Variants in FTSJ3 observed in about 807,000 individuals in gnomAD.
The protein encoded by FTSJ3 is pre-rRNA 2'-O-ribose RNA methyltransferase FTSJ3.
A neutral mutation model predicts 111.5 loss-of-function variants in FTSJ3; 46 were observed. The observed-to-expected ratio is 0.41, with a 90% confidence interval of 0.33 to 0.53. The LOEUF (loss-of-function observed/expected upper bound fraction) is 0.53. FTSJ3 is among the 20% of genes least tolerant of loss of function. FTSJ3 has a pLI of 0.19. For missense variants in FTSJ3, 1,075 were observed against 1,063.8 expected, an observed-to-expected ratio of 1.01 and a Z score of -0.15; for synonymous variants, 408 against 383.0, an observed-to-expected ratio of 1.07 and a Z score of -0.76.
At position 63,827,304 on chromosome 17, in the gene FTSJ3, C is replaced by T. The variant is rs1409423402; in HGVS notation, c.-279G>A. On this transcript the variant is annotated 5_prime_UTR_variant, in exon 1 of 21. Transcript: ENST00000427159. The stretch of plus-strand genomic sequence containing the variant: ...GGAGGAGTTCTACTCCTTCCTCATC[C>T]CCTTCCAAAGCCCCTGAACTCGAGT... 6 of 699,244 alleles carry T rather than the reference C, an allele frequency of 8.6e-6. No individual in the cohort carries two copies. The highest frequency in any genetic ancestry group is 1.8e-5 in the African/African-American group (1 of 55,850). The allele number at this position is 699,244 out of a possible 1,614,324, so 43.3% of individuals were successfully genotyped here.
chr17:63,825,435 G>T lies in FTSJ3; in HGVS notation c.402C>A (p.Ala134=), dbSNP rs1379934767. 1.2e-6 allele frequency: 2 copies of T among 1,614,102 alleles called. No individual in the cohort carries two copies. Among genetic ancestry groups the T allele is most frequent in the Non-Finnish European group, 1.7e-6 (2 of 1,180,016 alleles). ...AACGTAGAGCCATCAGTGTCAAATG[G>T]GCTGTAGGATAGAGACAATTAGTTG... ...ASWVHDAYSQ[A]HLTLMALRLA... Residue 134 remains alanine (A), a splice_region_variant and synonymous_variant, in exon 7 of 21, where the codon GCC becomes GCA. Coordinates refer to ENST00000427159, the MANE Select transcript of FTSJ3 (RefSeq NM_017647.4).
At chr17:63,824,028 A>T (rs769763621) in intron 12 of FTSJ3, 56 bp downstream of exon 12, 1 of 1,613,498 alleles carries the variant, frequency 6.2e-7, no homozygotes, top group Non-Finnish European at 8.5e-7. Context: ...TTCTTCTCCC[A>T]TCTTCACACA....
intron 5 of FTSJ3, 118 bp downstream of exon 5, chr17:63,825,938 A>G (rs2040095904): frequency 3.7e-6 from 3 of 810,136 alleles, no homozygotes; most frequent in Non-Finnish European, 6.1e-6. Context: ...CTTGTCGTAC[A>G]GATGTCAGGC....
chr17:63,827,449 C>T lies in FTSJ3; in HGVS notation c.-424G>A, dbSNP rs1022564043. ...ATCCTCCGCTTCCGCGCTTGCGCGC[C>T]AAGACGGCTCGGATGCCGGCGGTCT... On this transcript the variant is annotated 5_prime_UTR_variant, in exon 1 of 21. Coordinates refer to ENST00000427159, the MANE Select transcript of FTSJ3 (RefSeq NM_017647.4). 2.2e-5 allele frequency: 34 copies of T among 1,551,632 alleles called. No individual in the cohort carries two copies. Among genetic ancestry groups the T allele is most frequent in the East Asian group, 4.9e-5 (2 of 40,932 alleles).
Position 63,820,412 on chromosome 17 carries a change from T to C in FTSJ3, c.2099A>G (p.Glu700Gly). 1 of 1,613,958 alleles carries C rather than the reference T, an allele frequency of 6.2e-7. No homozygotes were observed. Among genetic ancestry groups the C allele is most frequent in the Non-Finnish European group, 8.5e-7 (1 of 1,179,976 alleles). ...CTCTTGCACAAACCACTCCGGAAGC[T>C]CCCCCTCATCCTCATTAAATGTGTA... ...NRYTFNEDEG[E>G]LPEWFVQEEK... is the part of the protein sequence containing the mutation. Residue 700 changes from glutamate to glycine, a missense_variant, in exon 19 of 21, where the codon GAG (glutamate) becomes GGG (glycine). Transcript: ENST00000427159.
In FTSJ3 at chr17:63,825,177, G is replaced by C; in HGVS notation, c.596-14C>G. ...GGGCCAGGAATCCTAAAAATGACAG[G>C]ATATATTAAAAAGTGTGCTTTGGGA... On this transcript the variant is annotated splice_polypyrimidine_tract_variant and intron_variant, in intron 7 of 20. Coordinates refer to ENST00000427159, the MANE Select transcript of FTSJ3 (RefSeq NM_017647.4). 1.2e-6 allele frequency: 2 copies of C among 1,613,738 alleles called. No individual in the cohort carries two copies. The highest frequency in any genetic ancestry group is 8.5e-7 in the Non-Finnish European group (1 of 1,179,686).
rs1482303752 is a variant in FTSJ3 at position 63,826,276 on chromosome 17, C to T, written c.202G>A (p.Val68Ile). ...WLQVAAKFMPVSSLIVGVDLV... is the reference protein window; with the variant it reads ...WLQVAAKFMPISSLIVGVDLV... ...TACTCACCCACAATAAGGCTGGATA[C>T]AGGCATAAACTTGGCAGCTACCTGC... The change falls in exon 4 of 21, where the codon GTA becomes ATA. Residue 68 changes from valine to isoleucine, a missense_variant. Val to Ile is a conservative substitution (Grantham distance 29, BLOSUM62 3). This residue lies in a region of FTSJ3 where 208 missense variants were observed against 266.9 expected (regional missense o/e 0.78). Transcript: ENST00000427159. 1 of 1,614,196 alleles carries T rather than the reference C, an allele frequency of 6.2e-7. No individual in the cohort carries two copies. Among genetic ancestry groups the T allele is most frequent in the Non-Finnish European group, 8.5e-7 (1 of 1,180,008 alleles).
chr17:63,820,337 T>G lies in FTSJ3; in HGVS notation c.2174A>C (p.Glu725Ala). 1 of 1,614,034 alleles carries G rather than the reference T, an allele frequency of 6.2e-7. No individual in the cohort carries two copies. Among genetic ancestry groups the G allele is most frequent in the Non-Finnish European group, 8.5e-7 (1 of 1,180,026 alleles). The change falls in exon 19 of 21, where the codon GAG (glutamate) becomes GCG (alanine). Residue 725 changes from glutamate to alanine, a missense_variant. Glu to Ala is a moderately radical substitution (Grantham distance 107). Around this residue, in one of 2 missense-constraint regions of FTSJ3, gnomAD observed 867 missense variants for 796.9 expected, o/e 1.09. Transcript: ENST00000427159. Reference sequence around the variant, plus strand: ...TTCCCGCCAGCGTTTCCGGTAATGCTCCACCTCCTTCTTACCAACAGGCAA... The same window carrying G: ...TTCCCGCCAGCGTTTCCGGTAATGCGCCACCTCCTTCTTACCAACAGGCAA... ...RQLPVGKKEV[E>A]HYRKRWREIN...
rs774109357 is a variant in FTSJ3 at position 63,824,748 on chromosome 17, G to A, written c.817-11C>T. 12 of 1,611,570 alleles carry A rather than the reference G, an allele frequency of 7.4e-6. No individual in the cohort carries two copies. In the South Asian group the frequency reaches 1.3e-4, roughly 18 times the overall value. On this transcript the variant is annotated splice_polypyrimidine_tract_variant and intron_variant, in intron 9 of 20. Coordinates refer to ENST00000427159, the MANE Select transcript of FTSJ3 (RefSeq NM_017647.4). ...ATCATCTACCATGATCTGTTTGGGA[G>A]GATGGAAAGGTGTCAGGGGAGATCC...
chr17:63,825,165 T>C lies in FTSJ3; in HGVS notation c.596-2A>G, dbSNP rs2144609378. 1 of 1,614,050 alleles carries C rather than the reference T, an allele frequency of 6.2e-7. No individual in the cohort carries two copies. On this transcript the variant is annotated splice_acceptor_variant, in intron 7 of 20. Transcript: ENST00000427159. LOFTEE classifies it high-confidence loss of function. ...CAACCTTGTCAGGGGCCAGGAATCC[T>C]AAAAATGACAGGATATATTAAAAAG...
rs1236246258 is a variant in FTSJ3, at chr17:63,821,634, C to G, written c.1606G>C (p.Ala536Pro). ...TCATCGGCATCGTCCTCGATCCCAG[C>G]AAAGCTGCCCTGTGATAGGAGAACA... ...ANLWFSKGSF[A>P]GIEDDADEAL... Residue 536 changes from alanine to proline, a missense_variant, in exon 16 of 21, where the codon GCT (alanine) becomes CCT (proline). By Grantham distance (27) the Ala-to-Pro change is conservative. Around this residue, in one of 2 missense-constraint regions of FTSJ3, gnomAD observed 867 missense variants for 796.9 expected, o/e 1.09. Transcript: ENST00000427159. 2 of 1,613,136 alleles carry G rather than the reference C, an allele frequency of 1.2e-6. No homozygotes were observed. The highest frequency in any genetic ancestry group is 1.1e-5 in the South Asian group (1 of 91,032).
chr17:63,821,549 T>C lies in FTSJ3; in HGVS notation c.1691A>G (p.Gln564Arg), dbSNP rs747839904. 1.9e-6 allele frequency: 3 copies of C among 1,614,086 alleles called. No homozygotes were observed. Among genetic ancestry groups the C allele is most frequent in the Non-Finnish European group, 1.7e-6 (2 of 1,180,008 alleles). Residue 564 changes from glutamine (Q) to arginine (R), a missense_variant, in exon 16 of 21, where the codon CAG becomes CGG. Gln to Arg is a conservative substitution (Grantham distance 43). Coordinates refer to ENST00000427159, the MANE Select transcript of FTSJ3 (RefSeq NM_017647.4). Reference protein sequence around the residue: ...LFENRRKGRQQQQKQQLPQTP... With the variant: ...LFENRRKGRQRQQKQQLPQTP... ...CTGTGGCAGCTGCTGCTTCTGCTGC[T>C]GCTGCCGTCCCTTCCGCCGGTTCTC...
chr17:63,819,706 A>G lies in FTSJ3; in HGVS notation c.*96T>C. 5 of 1,150,800 alleles carry G rather than the reference A, an allele frequency of 4.3e-6. No homozygotes were observed. Among genetic ancestry groups the G allele is most frequent in the South Asian group, 1.5e-5 (1 of 68,520 alleles). The allele number at this position is 1,150,800 out of a possible 1,614,324, so 71.3% of individuals were successfully genotyped here. On this transcript the variant is annotated 3_prime_UTR_variant, in exon 21 of 21. Coordinates refer to ENST00000427159, the MANE Select transcript of FTSJ3 (RefSeq NM_017647.4). The stretch of plus-strand genomic sequence containing the variant: ...CTGTTCTTCAGACAGCTGTGATGTG[A>G]GCAGGGGCTAGGCCGGTAATCAAGG...
chr17:63,822,273 CT>C (rs1282300202), intron 13 of FTSJ3, 105 bp from the exon 14 acceptor site: 1 of 916,438 alleles, frequency 1.1e-6, no homozygotes, highest in African/African-American at 1.7e-5. Flanking sequence ...AGAAAGAACA[CT>C]GGCAAATCCA....
Position 63,820,392 on chromosome 17 carries a change from G to A in FTSJ3, c.2119C>T (p.Gln707Ter). The change falls in exon 19 of 21, where the codon CAA becomes TAA. Residue 707 changes from glutamine to a stop codon, truncating the protein, a stop_gained. Coordinates refer to ENST00000427159, the MANE Select transcript of FTSJ3 (RefSeq NM_017647.4). LOFTEE classifies it high-confidence loss of function. ...DEGELPEWFV[Q>*]EEKQHRIRQL... ...CGTATCCGGTGCTGCTTTTCCTCTTGCACAAACCACTCCGGAAGCTCCCCC... is the reference window on the plus strand; with the variant it reads ...CGTATCCGGTGCTGCTTTTCCTCTTACACAAACCACTCCGGAAGCTCCCCC... 6.2e-7 allele frequency: 1 copy of A among 1,614,012 alleles called. No homozygotes were observed. The highest frequency in any genetic ancestry group is 8.5e-7 in the Non-Finnish European group (1 of 1,180,018).
chr17:63,821,161 C>T (rs1171484614), intron 16 of FTSJ3, 46 bp from the exon 17 acceptor site: 17 of 1,596,816 alleles, frequency 1.1e-5, no homozygotes, highest in Non-Finnish European at 1.5e-5. Context: ...CTCTGTACTA[C>T]TCAGACCGCA....
rs977279078 is a variant in FTSJ3 at position 63,819,925 on chromosome 17, C to T, written c.2421G>A (p.Val807=). ...HVTYVVAKKG[V]GRKVRRPAGV... is the part of the protein sequence containing the mutation. ...CAGCTGGCCGGCGCACTTTGCGGCC[C>T]ACACCTTTTTTGGCTACAACGTAGG... Residue 807 remains valine, a synonymous_variant, in exon 21 of 21, where the codon GTG becomes GTA. Coordinates refer to ENST00000427159, the MANE Select transcript of FTSJ3 (RefSeq NM_017647.4). The T allele has an allele frequency of 5.0e-6, 8 of 1,614,110 alleles. No individual in the cohort carries two copies. The highest frequency in any genetic ancestry group is 1.1e-5 in the South Asian group (1 of 91,090).
rs2144600979 is a variant in FTSJ3 at position 63,819,997 on chromosome 17, A to G, written c.2352-3T>C. The G allele has an allele frequency of 6.2e-7, 1 of 1,614,050 alleles. No individual in the cohort carries two copies. Among genetic ancestry groups the G allele is most frequent in the Non-Finnish European group, 8.5e-7 (1 of 1,179,944 alleles). The stretch of plus-strand genomic sequence containing the variant: ...CAAGCCCAGCCTTCTTGTAGAGACT[A>G]CAGGGGGGAAGAGAAGAGGTTAGAG... On this transcript the variant is annotated splice_polypyrimidine_tract_variant and splice_region_variant and intron_variant, in intron 20 of 20. Transcript: ENST00000427159.
intron 5 of FTSJ3, 27 bp from the exon 6 acceptor site, chr17:63,825,662 A>C: frequency 1.3e-6 from 2 of 1,586,840 alleles, no homozygotes; most frequent in Admixed American, 3.3e-5. Context: ...GAACTATGGA[A>C]ACAGAAACAC....
Sources: gnomAD v4.1 joint callset for allele counts on GRCh38, gnomAD v4.1.1 for gene constraint, gnomAD v4.1.1 regional missense constraint, MANE v1.5 for transcripts, NCBI Gene and HGNC (gene_info 2026-07-23, HGNC 2026-07-21) for gene names.